PDE8B: variants seen among roughly 807,000 people sequenced by gnomAD.
PDE8B encodes the protein high affinity cAMP-specific and IBMX-insensitive 3',5'-cyclic phosphodiesterase 8B.
In PDE8B, 26 loss-of-function variants were observed where a neutral mutation model predicts 101.3. The ratio of observed to expected loss-of-function variants is 0.26; its 90% CI spans 0.19 to 0.36. The LOEUF (loss-of-function observed/expected upper bound fraction) is 0.36, where lower values mean the gene tolerates loss of function less well. Among genes scored for constraint, PDE8B ranks in the 10% least tolerant of loss-of-function variants. The pLI, the probability that PDE8B is intolerant of heterozygous loss-of-function variation, is 1.00. For synonymous variants in PDE8B, 424 were observed against 429.3 expected, an observed-to-expected ratio of 0.99 and a Z score of 0.15; for missense variants, 810 against 1,163.1, an observed-to-expected ratio of 0.70 and a Z score of 4.42.
chr5:77,119,332 A>T, the PDE8B span: 3 of 152,208 alleles, frequency 2.0e-5, no homozygotes, highest in Admixed American at 6.5e-5. Context: ...GCCCAGCAGA[A>T]ATGAAAATAT....
chr5:77,253,177 A>G (rs1758416093), intron 1 of PDE8B, among the ~76,000 whole-genome samples: 3 of 152,174 alleles, frequency 2.0e-5, no homozygotes, highest in Admixed American at 2.0e-4. Flanking sequence ...ACATGAATAT[A>G]TTGGTTCAAA....
the PDE8B span, among the ~76,000 whole-genome samples, chr5:77,168,814 G>T: frequency 6.6e-6 from 1 of 152,180 alleles, no homozygotes. Context: ...ACTCTGAAAT[G>T]GAAGCTCCAC....
At chr5:77,102,882 G>A in the PDE8B span, among the ~76,000 whole-genome samples, 3 of 152,320 alleles carry the variant, frequency 2.0e-5, no homozygotes, top group South Asian at 6.2e-4. Context: ...GACCCGCTTG[G>A]CTGGCTTTCT....
At chr5:77,088,376 C>CT in the PDE8B span, 1 of 150,980 alleles carries the variant, frequency 6.6e-6, no homozygotes, top group African/African-American at 2.4e-5. Context: ...GACCCTCTGC[C>CT]TTTTTGCAAG....
chr5:77,417,740 T>G (rs1299046178), intron 17 of PDE8B, among the ~76,000 whole-genome samples: 4 of 152,242 alleles, frequency 2.6e-5, no homozygotes, highest in Admixed American at 6.5e-5. Flanking sequence ...TCCCTTGGTC[T>G]TCTTTTACTG....
At chr5:77,180,861 C>T in the PDE8B span, among the ~76,000 whole-genome samples, 1 of 152,310 alleles carries the variant, frequency 6.6e-6, no homozygotes, top group Admixed American at 6.5e-5. Context: ...TTCCCCGGCG[C>T]GGGACGGTGG....
At chr5:77,400,142 T>G (rs1402933671) in intron 10 of PDE8B, 106 bp from the exon 11 acceptor site, 4 of 805,464 alleles carry the variant, frequency 5.0e-6, no homozygotes, top group Non-Finnish European at 8.8e-6. Flanking sequence ...CTTCTTGCTT[T>G]CTTCAAGTCT....
chr5:77,352,283 T>A (rs1011588730), intron 9 of PDE8B, among the ~76,000 whole-genome samples: 1 of 152,206 alleles, frequency 6.6e-6, no homozygotes, highest in South Asian at 2.1e-4. Context: ...GACTGTCACA[T>A]TGTTTTTATC....
At chr5:77,184,111 C>T in the PDE8B span, among the ~76,000 whole-genome samples, 10 of 152,044 alleles carry the variant, frequency 6.6e-5, no homozygotes, top group African/African-American at 1.7e-4. Flanking sequence ...GGACTATAGG[C>T]GTGCGCCACC....
intron 10 of PDE8B, among the ~76,000 whole-genome samples, chr5:77,359,410 C>A (rs935131953): frequency 2.6e-5 from 4 of 152,198 alleles, no homozygotes; most frequent in African/African-American, 7.2e-5. Flanking sequence ...CAGGTAGACA[C>A]AGGTGCCCTT....
At chr5:77,264,346 T>G (rs1243103914) in intron 1 of PDE8B, among the ~76,000 whole-genome samples, 1 of 152,256 alleles carries the variant, frequency 6.6e-6, no homozygotes, top group East Asian at 1.9e-4. Context: ...ACTGCCTGTT[T>G]TGCAAAACAG....
At chr5:77,137,283 G>A in the PDE8B span, among the ~76,000 whole-genome samples, 1 of 152,204 alleles carries the variant, frequency 6.6e-6, no homozygotes, top group Non-Finnish European at 1.5e-5. Context: ...CCCCAGGAGA[G>A]ACTGGCCTAG....
chr5:77,425,535 AGAGT>A (rs1329170644), intron 20 of PDE8B, among the ~76,000 whole-genome samples: 13 of 152,206 alleles, frequency 8.5e-5, no homozygotes, highest in African/African-American at 3.1e-4. Flanking sequence ...CTTGGGCAAC[AGAGT>A]GAGACACTGT....
At chr5:77,117,136 C>T in the PDE8B span, among the ~76,000 whole-genome samples, 1 of 152,158 alleles carries the variant, frequency 6.6e-6, no homozygotes, top group East Asian at 1.9e-4. Context: ...GCCTCTGAAC[C>T]CTCTAGGCCT....
chr5:77,144,599 G>C, the PDE8B span: 1 of 75,694 alleles, frequency 1.3e-5, no homozygotes, highest in Non-Finnish European at 2.6e-5. Flanking sequence ...AAGAATTTTT[G>C]AGCTTTTTTT....
chr5:77,092,207 T>C, the PDE8B span, among the ~76,000 whole-genome samples: 1 of 152,162 alleles, frequency 6.6e-6, no homozygotes, highest in Admixed American at 6.5e-5. Context: ...TTTTTGTGAG[T>C]CAGTGCTTAA....
the PDE8B span, among the ~76,000 whole-genome samples, chr5:77,150,729 C>T: frequency 6.6e-6 from 1 of 152,208 alleles, no homozygotes; most frequent in Non-Finnish European, 1.5e-5. Flanking sequence ...CTGGTTTTAA[C>T]TGAGCACCTT....
the PDE8B span, among the ~76,000 whole-genome samples, chr5:77,175,559 C>G: frequency 0.26 from 39,253 of 152,134 alleles, 6,193 homozygotes; most frequent in Non-Finnish European, 0.34. Context: ...CAGCTTCTCT[C>G]TATTACAGTA....
chr5:77,273,410 T>C (rs934425317), intron 1 of PDE8B, among the ~76,000 whole-genome samples: 1 of 152,222 alleles, frequency 6.6e-6, no homozygotes, highest in African/African-American at 2.4e-5. Context: ...TTACTAAACA[T>C]CTATTACCCA....
Sources: allele counts gnomAD v4.1 joint callset (sites outside exome capture counted in the v4.1 genomes callset), GRCh38; gene constraint gnomAD v4.1.1; transcripts MANE v1.5; gene names NCBI Gene and HGNC (gene_info 2026-07-23, HGNC 2026-07-21).